Variants in ROBO1 observed in about 807,000 individuals in gnomAD.
The protein encoded by ROBO1 is roundabout homolog 1.
Under a neutral mutation model 195.9 loss-of-function variants are expected in ROBO1, and 149 were observed. That is an observed-to-expected ratio of 0.76 (90% CI 0.67 to 0.87). ROBO1 has a LOEUF of 0.87. Ranked by LOEUF, ROBO1 falls within the 40% of genes least tolerant of loss-of-function variation. ROBO1 has a pLI of 0.00. For missense variants in ROBO1, 1,933 were observed against 2,068.3 expected (o/e 0.93, Z 1.27); for synonymous variants, 816 against 733.2 (o/e 1.11, Z -1.82).
chr3:79,664,731 C>A (rs146186113), intron 1 of ROBO1, among the ~76,000 whole-genome samples: 1 of 151,888 alleles, frequency 6.6e-6, no homozygotes. Flanking sequence ...TCTGCTATGA[C>A]GGCCCATTAT....
chr3:79,384,546 G>T (rs1034819302), intron 2 of ROBO1, among the ~76,000 whole-genome samples: 2 of 151,890 alleles, frequency 1.3e-5, no homozygotes, highest in African/African-American at 2.4e-5. Context: ...CCTATAAGGC[G>T]ATGAACAGAG....
intron 2 of ROBO1, among the ~76,000 whole-genome samples, chr3:79,576,724 G>A (rs59429361): frequency 0.27 from 41,311 of 151,888 alleles, 5,766 homozygotes; most frequent in Non-Finnish European, 0.32. Context: ...ATGAAATGGG[G>A]AAAAAAGGTA....
chr3:79,310,408 T>A (rs1230239868), intron 2 of ROBO1, among the ~76,000 whole-genome samples: 2 of 152,200 alleles, frequency 1.3e-5, no homozygotes, highest in African/African-American at 4.8e-5. Flanking sequence ...ATAATGCACC[T>A]CACTTATCAC....
intron 4 of ROBO1, among the ~76,000 whole-genome samples, chr3:78,798,195 T>C (rs961257533): frequency 1.3e-5 from 2 of 152,184 alleles, no homozygotes; most frequent in African/African-American, 4.8e-5. Flanking sequence ...GTACAGAATA[T>C]AGTGTATTAT....
intron 4 of ROBO1, among the ~76,000 whole-genome samples, chr3:78,935,102 T>C (rs1240915167): frequency 6.6e-6 from 1 of 152,038 alleles, no homozygotes; most frequent in Non-Finnish European, 1.5e-5. Context: ...AGCGAGAAAA[T>C]ATTCCTTCAA....
intron 2 of ROBO1, among the ~76,000 whole-genome samples, chr3:79,178,950 C>T (rs1222443923): frequency 2.0e-5 from 3 of 152,098 alleles, no homozygotes; most frequent in African/African-American, 7.2e-5. Flanking sequence ...GAAGCTTATG[C>T]ATATTAGGAC....
At chr3:78,828,699 C>T (rs1396671577) in intron 4 of ROBO1, among the ~76,000 whole-genome samples, 1 of 152,080 alleles carries the variant, frequency 6.6e-6, no homozygotes, top group Non-Finnish European at 1.5e-5. Context: ...CTGATCTCTT[C>T]TCCTCATTTT....
At chr3:79,734,327 A>G (rs187620648) in intron 1 of ROBO1, among the ~76,000 whole-genome samples, 1 of 152,322 alleles carries the variant, frequency 6.6e-6, no homozygotes, top group Non-Finnish European at 1.5e-5. Context: ...TAAAAAACAT[A>G]CAAAGCAAAA....
At chr3:78,898,456 C>A (rs897982617) in intron 4 of ROBO1, among the ~76,000 whole-genome samples, 3 of 136,568 alleles carry the variant, frequency 2.2e-5, no homozygotes, top group Non-Finnish European at 4.5e-5. Flanking sequence ...GGCGTGATCT[C>A]GGCTCACTGC....
intron 2 of ROBO1, among the ~76,000 whole-genome samples, chr3:79,242,350 C>T (rs2082535273): frequency 6.6e-6 from 1 of 151,942 alleles, no homozygotes; most frequent in Non-Finnish European, 1.5e-5. Flanking sequence ...GTATTCTCCA[C>T]TTAAAAAAAA....
chr3:79,460,893 G>A (rs931724170), intron 2 of ROBO1, among the ~76,000 whole-genome samples: 1 of 151,804 alleles, frequency 6.6e-6, no homozygotes, highest in Middle Eastern at 3.4e-3. Flanking sequence ...GACTACAGAC[G>A]CCCACCACCA....
intron 3 of ROBO1, among the ~76,000 whole-genome samples, chr3:78,957,483 G>C (rs756918599): frequency 3.3e-5 from 5 of 152,110 alleles, no homozygotes; most frequent in African/African-American, 1.2e-4. Flanking sequence ...ATGGGGGCCC[G>C]TAAACAACCA....
rs1350922757 is a variant in ROBO1 at position 78,904,092 on chromosome 3, AACTATG to A, written c.499+34503_499+34508del. Among the ~76,000 whole-genome samples, 3 of 151,896 alleles carry A rather than the reference AACTATG, an allele frequency of 2.0e-5. No homozygotes were observed. In the East Asian group the frequency reaches 5.8e-4, roughly 29 times the overall value. On this transcript the variant is annotated intron_variant, in intron 4 of 30. Transcript: ENST00000464233. ...TTAGATATGAGTATATTAGTTAGAT[AACTATG>A]ACTATTATTAGTGTATGTATATATA...
chr3:79,188,362 C>A (rs1192844982), intron 2 of ROBO1, among the ~76,000 whole-genome samples: 2 of 151,664 alleles, frequency 1.3e-5, no homozygotes, highest in East Asian at 3.9e-4. Context: ...GCACAGGATA[C>A]TTTTTTATTT....
intron 1 of ROBO1, among the ~76,000 whole-genome samples, chr3:79,701,609 T>C (rs1278744587): frequency 6.6e-6 from 1 of 151,712 alleles, no homozygotes. Flanking sequence ...ATTATTATTA[T>C]ACAGATGAAA....
At chr3:79,426,429 G>T (rs1157732082) in intron 2 of ROBO1, among the ~76,000 whole-genome samples, 5 of 152,084 alleles carry the variant, frequency 3.3e-5, no homozygotes, top group African/African-American at 1.2e-4. Flanking sequence ...GGAGCACACT[G>T]GTGTGATCTC....
At chr3:79,570,425 A>G (rs778536250) in intron 2 of ROBO1, among the ~76,000 whole-genome samples, 3 of 152,196 alleles carry the variant, frequency 2.0e-5, no homozygotes, top group Non-Finnish European at 4.4e-5. Flanking sequence ...ACATCCTCAA[A>G]TATTGATTGT....
chr3:79,575,231 TATATAA>T (rs1238666961), intron 2 of ROBO1, among the ~76,000 whole-genome samples: 1,469 of 82,374 alleles, frequency 0.018, 47 homozygotes, highest in Middle Eastern at 0.058. Flanking sequence ...ATAACAAATA[TATATAA>T]ATATATATAA....
intron 5 of ROBO1, among the ~76,000 whole-genome samples, chr3:78,730,142 T>C (rs779175690): frequency 6.6e-6 from 1 of 152,208 alleles, no homozygotes; most frequent in Non-Finnish European, 1.5e-5. Context: ...ATTTTCAAAC[T>C]CTTGGCTCTT....
Sources: gnomAD v4.1 joint callset for allele counts (sites outside exome capture counted in the v4.1 genomes callset) on GRCh38, gnomAD v4.1.1 for gene constraint, MANE v1.5 for transcripts, NCBI Gene and HGNC (gene_info 2026-07-23, HGNC 2026-07-21) for gene names.